RUFY3: variants seen among roughly 807,000 people sequenced by gnomAD.
The protein encoded by RUFY3 is RUN and FYVE domain containing 3.
Under a neutral mutation model 84.0 loss-of-function variants are expected in RUFY3, and 34 were observed. The ratio of observed to expected loss-of-function variants is 0.40; its 90% CI spans 0.31 to 0.54. The LOEUF is 0.54. RUFY3 is among the 20% of genes least tolerant of loss of function. The probability of loss-of-function intolerance (pLI) is 0.39; values close to 1 mark genes in which losing one functional copy is unlikely to be tolerated. For synonymous variants in RUFY3, 242 were observed against 252.9 expected (o/e 0.96, Z 0.41); for missense variants, 507 against 736.8 (o/e 0.69, Z 3.61).
rs958716215 is a variant in RUFY3 at position 70,808,106 on chromosome 4, C to A, written c.*1447C>A. ...ATGATTACTTATACCTAATAAAATACCTACACATCACTTCATTTGCATGGA... is the reference window on the plus strand; with the variant it reads ...ATGATTACTTATACCTAATAAAATAACTACACATCACTTCATTTGCATGGA... On this transcript the variant is annotated 3_prime_UTR_variant, in exon 18 of 18. Transcript: ENST00000381006. 6.6e-6 allele frequency among the ~76,000 whole-genome samples: 1 copy of A among 152,162 alleles called. No individual in the cohort carries two copies. Among genetic ancestry groups the A allele is most frequent in the East Asian group, 1.9e-4 (1 of 5,196 alleles).
chr4:70,806,368 C>T, intron 17 of RUFY3, 148 bp from the exon 18 acceptor site: 1 of 857,166 alleles, frequency 1.2e-6, no homozygotes, highest in Non-Finnish European at 1.8e-6. Context: ...TAGATTGGGC[C>T]TGTGTTCAGA....
At chr4:70,718,211 C>A (rs1457303687), upstream of RUFY3, among the ~76,000 whole-genome samples, 1 of 152,106 alleles carries the variant, frequency 6.6e-6, no homozygotes, top group East Asian at 1.9e-4. Flanking sequence ...AAGCACCTAA[C>A]AGAAAATAGA....
At chr4:70,772,131 A>G (rs1442909879) in intron 5 of RUFY3, among the ~76,000 whole-genome samples, 1 of 149,820 alleles carries the variant, frequency 6.7e-6, no homozygotes, top group Non-Finnish European at 1.5e-5. Flanking sequence ...TAATATAAAT[A>G]TATATTTTAT....
intron 8 of RUFY3, among the ~76,000 whole-genome samples, chr4:70,781,881 G>C (rs913311119): frequency 6.6e-6 from 1 of 152,170 alleles, no homozygotes; most frequent in African/African-American, 2.4e-5. Flanking sequence ...CACATTCTCC[G>C]GGAGTTTAGT....
At chr4:70,785,947 C>T (rs1729725124) in intron 10 of RUFY3, among the ~76,000 whole-genome samples, 1 of 152,190 alleles carries the variant, frequency 6.6e-6, no homozygotes, top group Non-Finnish European at 1.5e-5. Context: ...AGAATCTGTA[C>T]TCCTATGTTT....
intron 1 of RUFY3, among the ~76,000 whole-genome samples, chr4:70,744,434 C>G (rs1721830540): frequency 1.3e-5 from 2 of 151,420 alleles, no homozygotes; most frequent in Non-Finnish European, 2.9e-5. Context: ...CTCCTAGGCT[C>G]AAACGATCCT....
At chr4:70,789,930 T>C in intron 12 of RUFY3, 1 of 1,004,646 alleles carries the variant, frequency 1.0e-6, no homozygotes, top group Non-Finnish European at 1.2e-6. Context: ...TGTATGTATG[T>C]AATTCTGTGA....
chr4:70,748,084 T>A (rs1722517934), intron 1 of RUFY3, among the ~76,000 whole-genome samples: 1 of 152,190 alleles, frequency 6.6e-6, no homozygotes, highest in Non-Finnish European at 1.5e-5. Flanking sequence ...GGCAGACCAT[T>A]TTGATTCTCT....
chr4:70,710,837 C>T (rs1287077911), intron 1 of RUFY3, among the ~76,000 whole-genome samples: 5 of 150,614 alleles, frequency 3.3e-5, no homozygotes, highest in Admixed American at 1.3e-4. Context: ...CCAAGGCAGG[C>T]GGATCACTTG....
chr4:70,801,646 G>A (rs973646622), intron 15 of RUFY3, among the ~76,000 whole-genome samples: 2 of 152,196 alleles, frequency 1.3e-5, no homozygotes, highest in Admixed American at 1.3e-4. Flanking sequence ...TGTGTCATCT[G>A]GAGCAAAAGT....
chr4:70,741,000 T>G (rs1186758220), intron 1 of RUFY3, among the ~76,000 whole-genome samples: 1 of 152,190 alleles, frequency 6.6e-6, no homozygotes, highest in Non-Finnish European at 1.5e-5. Context: ...ATGTGCTTGA[T>G]TGTAGGTTAC....
At chr4:70,746,315 G>A (rs539680305) in intron 1 of RUFY3, among the ~76,000 whole-genome samples, 24 of 151,142 alleles carry the variant, frequency 1.6e-4, no homozygotes, top group African/African-American at 5.6e-4. Flanking sequence ...CTGCACTCAA[G>A]CCTGGTTGAC....
At position 70,797,277 on chromosome 4, in the gene RUFY3, T is replaced by C. The variant is rs546821581; in HGVS notation, c.1557+2383T>C. Among the ~76,000 whole-genome samples the C allele has an allele frequency of 1.5e-4, 23 of 152,240 alleles. No homozygotes were observed. In the South Asian group the frequency reaches 3.9e-3, roughly 26 times the overall value. ...TTTCAAACTGATGTCTTATCCTTTT[T>C]AGTGACTCAAACCAAATCCTGATTA... On this transcript the variant is annotated intron_variant, in intron 14 of 17. Transcript: ENST00000381006.
Position 70,722,594 on chromosome 4 carries a change from G to T in RUFY3, c.21G>T (p.Pro7=), listed in dbSNP as rs756692658. 1.2e-6 allele frequency: 2 copies of T among 1,613,164 alleles called. No homozygotes were observed. Among genetic ancestry groups the T allele is most frequent in the Admixed American group, 3.3e-5 (2 of 59,888 alleles). ...TCATCATGTCTGCTCTGACGCCTCC[G>T]ACCGATATGCCAACCCCCACCACTG... The part of the protein sequence containing the change: MSALTP[P]TDMPTPTTDK... Residue 7 remains proline (P), a synonymous_variant, in exon 1 of 18, where the codon CCG becomes CCT. Coordinates refer to ENST00000381006, the MANE Select transcript of RUFY3 (RefSeq NM_001037442.4).
chr4:70,788,102 G>C (rs910778731), intron 10 of RUFY3, among the ~76,000 whole-genome samples: 3 of 151,812 alleles, frequency 2.0e-5, no homozygotes, highest in African/African-American at 7.3e-5. Context: ...TGGTCAACAT[G>C]GTGAAACCCC....
Position 70,794,885 on chromosome 4 carries a change from A to T in RUFY3, c.1548A>T (p.Glu516Asp). ...SIPGRGSQKSESKMDGKHKMQ... is the reference protein window; with the variant it reads ...SIPGRGSQKSDSKMDGKHKMQ... ...CAGGAAGGGGTTCCCAGAAGTCAGA[A>T]TCCAAGATGGTAATATTTGCTATTC... is the stretch of plus-strand genomic sequence containing the variant. The change falls in exon 14 of 18, where the codon GAA becomes GAT. Residue 516 changes from glutamate (E) to aspartate (D), a missense_variant. Glu to Asp is a conservative substitution (Grantham distance 45). Around this residue, in one of 4 missense-constraint regions of RUFY3, gnomAD observed 334 missense variants for 364.1 expected, o/e 0.92. Coordinates refer to ENST00000381006, the MANE Select transcript of RUFY3 (RefSeq NM_001037442.4). The T allele has an allele frequency of 3.8e-6, 6 of 1,594,600 alleles. No individual in the cohort carries two copies. Among genetic ancestry groups the T allele is most frequent in the Non-Finnish European group, 4.3e-6 (5 of 1,164,094 alleles).
intron 1 of RUFY3, among the ~76,000 whole-genome samples, chr4:70,727,753 C>A (rs1462984466): frequency 2.0e-5 from 3 of 148,984 alleles, no homozygotes; most frequent in African/African-American, 7.4e-5. Context: ...TGCCACTGCA[C>A]TCCAGCCTGG....
At chr4:70,714,136 G>T (rs1328017183) in intron 1 of RUFY3, among the ~76,000 whole-genome samples, 1 of 152,140 alleles carries the variant, frequency 6.6e-6, no homozygotes, top group East Asian at 1.9e-4. Flanking sequence ...CTAGGTGGTG[G>T]ACCTAGGATT....
At chr4:70,791,658 C>A (rs1023284473) in intron 12 of RUFY3, 8 of 1,031,312 alleles carry the variant, frequency 7.8e-6, no homozygotes, top group Non-Finnish European at 9.3e-6. Flanking sequence ...TTGATAATAC[C>A]AGATTCTCGG....
Sources: gnomAD v4.1 joint callset for allele counts (sites outside exome capture counted in the v4.1 genomes callset) on GRCh38, gnomAD v4.1.1 for gene constraint, gnomAD v4.1.1 regional missense constraint, MANE v1.5 for transcripts, NCBI Gene and HGNC (gene_info 2026-07-23, HGNC 2026-07-21) for gene names.